The following NELL1 variants were observed in gnomAD, a reference collection of about 807,000 sequenced individuals.
NELL1 encodes the protein protein kinase C-binding protein NELL1.
NELL1 carries 76 observed loss-of-function variants against 107.4 expected under a neutral mutation model. The observed-to-expected ratio is 0.71, with a 90% CI of 0.59 to 0.86. NELL1 has a LOEUF of 0.86. Among genes scored for constraint, NELL1 ranks in the 40% least tolerant of loss-of-function variants. NELL1 has a pLI of 0.00. For missense variants in NELL1, 1,024 were observed against 1,005.5 expected, an observed-to-expected ratio of 1.02 and a Z score of -0.25; for synonymous variants, 353 against 341.2, an observed-to-expected ratio of 1.03 and a Z score of -0.38.
intron 10 of NELL1, among the ~76,000 whole-genome samples, chr11:20,943,674 C>G (rs1404889731): frequency 6.6e-6 from 1 of 152,042 alleles, no homozygotes; most frequent in African/African-American, 2.4e-5. Flanking sequence ...ATGTGAAAAT[C>G]GAGGCACAGA....
chr11:21,322,969 G>A lies in NELL1; in HGVS notation c.1550-47884G>A, dbSNP rs926867138. ...GTGCCCCCTTAGGATAGAAGCACAA[G>A]CCATTGTTGTATAAAAAAGTGATCG... On this transcript the variant is annotated intron_variant, in intron 14 of 19. Transcript: ENST00000357134. Among the ~76,000 whole-genome samples the A allele has an allele frequency of 3.0e-4, 46 of 152,142 alleles. 1 individual carries two copies. The highest frequency in any genetic ancestry group is 1.1e-3 in the African/African-American group (46 of 41,488).
intron 2 of NELL1, among the ~76,000 whole-genome samples, chr11:20,752,135 C>A (rs995427243): frequency 1.9e-4 from 28 of 147,272 alleles, no homozygotes; most frequent in Non-Finnish European, 3.0e-5. Flanking sequence ...TATTTTTATT[C>A]CAATTTTAGT....
In NELL1 at chr11:21,539,946, A is replaced by C. The variant is rs572003073; in HGVS notation, c.1786+5432A>C. Reference sequence around the variant, plus strand: ...TGTCCATATCAGTAGCTTTTTAAAAATGCCTGTGACGGGACATCACACATC... The same window carrying C: ...TGTCCATATCAGTAGCTTTTTAAAACTGCCTGTGACGGGACATCACACATC... On this transcript the variant is annotated intron_variant, in intron 16 of 19. Coordinates refer to ENST00000357134, the MANE Select transcript of NELL1 (RefSeq NM_006157.5). Among the ~76,000 whole-genome samples, 3 of 152,050 alleles carry C rather than the reference A, an allele frequency of 2.0e-5. No individual in the cohort carries two copies. The South Asian group carries it at 6.2e-4, about 32-fold the overall frequency.
intron 5 of NELL1, among the ~76,000 whole-genome samples, chr11:20,898,150 G>C (rs1039173527): frequency 2.6e-5 from 4 of 152,142 alleles, no homozygotes; most frequent in African/African-American, 9.7e-5. Flanking sequence ...ATTCACAATA[G>C]CAAAGACTTG....
chr11:20,956,417 C>A (rs182351730), intron 11 of NELL1, among the ~76,000 whole-genome samples: 7 of 152,042 alleles, frequency 4.6e-5, no homozygotes, highest in African/African-American at 1.7e-4. Context: ...GAGGCCGAGG[C>A]GGGTAGATCA....
At chr11:20,798,769 G>A (rs1857224231) in intron 3 of NELL1, among the ~76,000 whole-genome samples, 1 of 152,196 alleles carries the variant, frequency 6.6e-6, no homozygotes. Flanking sequence ...CTTTGTCAAT[G>A]AATATCCATG....
intron 15 of NELL1, among the ~76,000 whole-genome samples, chr11:21,475,802 G>A (rs1854316945): frequency 6.6e-6 from 1 of 152,184 alleles, no homozygotes; most frequent in Non-Finnish European, 1.5e-5. Context: ...TTTGTAAGTG[G>A]AAATGTCTAA....
chr11:21,313,350 A>G (rs748677357), intron 14 of NELL1, among the ~76,000 whole-genome samples: 7 of 152,082 alleles, frequency 4.6e-5, no homozygotes, highest in Non-Finnish European at 4.4e-5. Context: ...ATAATTCTCA[A>G]TTTTGATGAT....
intron 2 of NELL1, among the ~76,000 whole-genome samples, chr11:20,698,257 C>G (rs1362816330): frequency 6.6e-6 from 1 of 152,160 alleles, no homozygotes; most frequent in African/African-American, 2.4e-5. Context: ...AACACCTGCA[C>G]TGGCTTATTC....
At chr11:20,747,422 G>A (rs1440862685) in intron 2 of NELL1, among the ~76,000 whole-genome samples, 1 of 152,190 alleles carries the variant, frequency 6.6e-6, no homozygotes, top group Non-Finnish European at 1.5e-5. Flanking sequence ...ATTCAAAAGA[G>A]AGAAGGAACT....
At chr11:21,377,492 T>C (rs1458439329) in intron 15 of NELL1, among the ~76,000 whole-genome samples, 1 of 152,118 alleles carries the variant, frequency 6.6e-6, no homozygotes, top group African/African-American at 2.4e-5. Context: ...TCAGGCACAA[T>C]GGCCTTTAGT....
intron 13 of NELL1, among the ~76,000 whole-genome samples, chr11:21,165,680 G>A (rs1403560818): frequency 6.6e-6 from 1 of 150,562 alleles, no homozygotes; most frequent in African/African-American, 2.5e-5. Context: ...CTAAGTGTCT[G>A]TCAACAAACA....
At chr11:21,513,121 G>A (rs1460948845) in intron 15 of NELL1, among the ~76,000 whole-genome samples, 1 of 152,116 alleles carries the variant, frequency 6.6e-6, no homozygotes, top group East Asian at 1.9e-4. Context: ...TTGCACAGAA[G>A]AGGTACTTGT....
intron 14 of NELL1, among the ~76,000 whole-genome samples, chr11:21,290,286 G>A (rs939589568): frequency 4.6e-4 from 70 of 151,934 alleles, no homozygotes; most frequent in Admixed American, 8.5e-4. Context: ...GGAGAATGGC[G>A]TGAACCCGGG....
At chr11:21,371,478 T>C (rs1590876561) in intron 15 of NELL1, among the ~76,000 whole-genome samples, 2 of 152,256 alleles carry the variant, frequency 1.3e-5, no homozygotes, top group East Asian at 3.9e-4. Context: ...TAAGTAAGAT[T>C]ACATTATGTG....
chr11:21,280,064 A>G lies in NELL1; in HGVS notation c.1549+50610A>G, dbSNP rs1317521388. On this transcript the variant is annotated intron_variant, in intron 14 of 19. Transcript: ENST00000357134. ...GATTCCAGAGGTTGGGGGAAGGGAG[A>G]GATAAAAGGTGCTCAAATAGAGGAT... Among the ~76,000 whole-genome samples the G allele has an allele frequency of 5.3e-5, 8 of 152,282 alleles. No homozygotes were observed. The East Asian group carries it at 1.5e-3, about 29-fold the overall frequency.
At chr11:21,429,678 A>G (rs999682176) in intron 15 of NELL1, among the ~76,000 whole-genome samples, 4 of 152,198 alleles carry the variant, frequency 2.6e-5, no homozygotes, top group Admixed American at 2.6e-4. Flanking sequence ...ATTATGGTGC[A>G]TTCTCCCTTG....
intron 3 of NELL1, among the ~76,000 whole-genome samples, chr11:20,787,021 A>G (rs1005641725): frequency 6.8e-6 from 1 of 146,108 alleles, no homozygotes; most frequent in African/African-American, 2.6e-5. Context: ...AAAAAAAAAA[A>G]AAAAAAAAAA....
chr11:21,261,270 T>A (rs929769540), intron 14 of NELL1, among the ~76,000 whole-genome samples: 2 of 151,478 alleles, frequency 1.3e-5, no homozygotes, highest in Non-Finnish European at 3.0e-5. Context: ...TCATGGAGGT[T>A]TGTTGTAAGA....
Sources: gnomAD v4.1 joint callset for allele counts (sites outside exome capture counted in the v4.1 genomes callset) on GRCh38, gnomAD v4.1.1 for gene constraint, MANE v1.5 for transcripts, NCBI Gene and HGNC (gene_info 2026-07-23, HGNC 2026-07-21) for gene names.